The following PRIMA1 variants were observed in gnomAD, a reference collection of about 807,000 sequenced individuals.
PRIMA1 encodes the protein proline rich membrane anchor 1, also known as proline-rich membrane anchor 1.
Under a neutral mutation model 17.5 loss-of-function variants are expected in PRIMA1, and 7 were observed. The observed-to-expected ratio is 0.40, with a 90% CI of 0.23 to 0.75. The LOEUF (loss-of-function observed/expected upper bound fraction) is 0.75. Ranked by LOEUF, PRIMA1 falls within the 30% of genes least tolerant of loss-of-function variation. The probability of loss-of-function intolerance (pLI) is 0.37; values close to 1 mark genes in which losing one functional copy is unlikely to be tolerated. For synonymous variants in PRIMA1, 97 were observed against 77.9 expected, an observed-to-expected ratio of 1.25 and a Z score of -1.29; for missense variants, 200 against 201.8, an observed-to-expected ratio of 0.99 and a Z score of 0.05.
At chr14:93,747,767 G>A (rs550232234) in intron 3 of PRIMA1, among the ~76,000 whole-genome samples, 97 of 147,976 alleles carry the variant, frequency 6.6e-4, no homozygotes, top group Admixed American at 1.3e-3. Context: ...CAAGTGTGTG[G>A]GAGAGTGTGT....
intron 3 of PRIMA1, among the ~76,000 whole-genome samples, chr14:93,774,187 T>C (rs1249076949): frequency 6.6e-6 from 1 of 152,210 alleles, no homozygotes; most frequent in Non-Finnish European, 1.5e-5. Context: ...ACTCTTGCCT[T>C]TGCCAGAAGA....
upstream of PRIMA1, among the ~76,000 whole-genome samples, chr14:93,788,917 C>T (rs1042731183): frequency 6.6e-5 from 10 of 152,230 alleles, no homozygotes; most frequent in East Asian, 1.9e-3. Flanking sequence ...CACTGGGGTG[C>T]CCGAGCTCTC....
intron 3 of PRIMA1, among the ~76,000 whole-genome samples, chr14:93,762,877 C>T (rs1035926206): frequency 6.6e-6 from 1 of 152,162 alleles, no homozygotes; most frequent in Admixed American, 6.5e-5. Context: ...GCTGCTCCTC[C>T]ACCCCAGGCC....
At chr14:93,734,751 G>A (rs1037034633) in intron 4 of PRIMA1, among the ~76,000 whole-genome samples, 2 of 115,988 alleles carry the variant, frequency 1.7e-5, no homozygotes, top group African/African-American at 5.9e-5. Flanking sequence ...GTGGAGCCCC[G>A]CCCCTGCCCC....
chr14:93,743,934 C>T (rs1187847850), intron 3 of PRIMA1, among the ~76,000 whole-genome samples: 2 of 152,244 alleles, frequency 1.3e-5, no homozygotes, highest in Non-Finnish European at 1.5e-5. Context: ...CACTTAGGAA[C>T]GTGTGTCCTC....
At chr14:93,747,369 G>A (rs1302794390) in intron 3 of PRIMA1, among the ~76,000 whole-genome samples, 1 of 152,204 alleles carries the variant, frequency 6.6e-6, no homozygotes, top group African/African-American at 2.4e-5. Flanking sequence ...TGGTTTGGCG[G>A]GAGTGGAGGG....
At chr14:93,776,723 G>C (rs1885231935) in intron 3 of PRIMA1, among the ~76,000 whole-genome samples, 1 of 152,230 alleles carries the variant, frequency 6.6e-6, no homozygotes, top group African/African-American at 2.4e-5. Context: ...TATGGACCCA[G>C]CACTCAAACA....
intron 2 of PRIMA1, among the ~76,000 whole-genome samples, chr14:93,785,903 TAC>T (rs34449933): frequency 0.15 from 22,004 of 150,780 alleles, 1,746 homozygotes; most frequent in Middle Eastern, 0.23. Flanking sequence ...CACCCCTGCA[TAC>T]ACACACACAC....
intron 3 of PRIMA1, among the ~76,000 whole-genome samples, chr14:93,771,858 G>A (rs1885079197): frequency 6.6e-6 from 1 of 152,162 alleles, no homozygotes; most frequent in Non-Finnish European, 1.5e-5. Flanking sequence ...AAGGAAAGGG[G>A]GGTCCCTGAA....
intron 4 of PRIMA1, among the ~76,000 whole-genome samples, chr14:93,722,586 G>A (rs1485963108): frequency 6.9e-6 from 1 of 144,092 alleles, no homozygotes; most frequent in African/African-American, 2.5e-5. Flanking sequence ...AATGCTGGTG[G>A]TGATAGTGAT....
chr14:93,764,621 T>C (rs1347411347), intron 3 of PRIMA1, among the ~76,000 whole-genome samples: 1 of 152,166 alleles, frequency 6.6e-6, no homozygotes, highest in Non-Finnish European at 1.5e-5. Flanking sequence ...AATAAATGTT[T>C]GTGAGTGATT....
At chr14:93,734,176 G>A (rs2076133587) in intron 4 of PRIMA1, among the ~76,000 whole-genome samples, 1 of 152,222 alleles carries the variant, frequency 6.6e-6, no homozygotes, top group Non-Finnish European at 1.5e-5. Context: ...TTGGTCTGCA[G>A]ATGGATGCAC....
Position 93,787,690 on chromosome 14 carries a change from C to G in PRIMA1, c.29G>C (p.Arg10Pro). 6.5e-7 allele frequency: 1 copy of G among 1,544,484 alleles called. No homozygotes were observed. The highest frequency in any genetic ancestry group is 8.7e-7 in the Non-Finnish European group (1 of 1,146,724). Residue 10 changes from arginine (R) to proline (P), a missense_variant, in exon 2 of 5, where the codon CGT becomes CCT. Coordinates refer to ENST00000393140, the MANE Select transcript of PRIMA1 (RefSeq NM_178013.4). ...CAGCAGCGAGGACCAGCAGCAGCCACGGCGCAGCACCAAGTCCCGGAGGAG... is the reference window on the plus strand; with the variant it reads ...CAGCAGCGAGGACCAGCAGCAGCCAGGGCGCAGCACCAAGTCCCGGAGGAG... MLLRDLVLR[R>P]GCCWSSLLLH...
chr14:93,732,828 C>CGGGGCT (rs1008759119), intron 4 of PRIMA1, among the ~76,000 whole-genome samples: 1 of 152,182 alleles, frequency 6.6e-6, no homozygotes, highest in South Asian at 2.1e-4. Context: ...CTGAGCCCGG[C>CGGGGCT]GGGGCTGGGG....
Position 93,740,075 on chromosome 14 carries a change from C to A in PRIMA1, c.230-2705G>T, listed in dbSNP as rs577200679. 7.4e-3 allele frequency among the ~76,000 whole-genome samples: 928 copies of A among 125,954 alleles called. 12 individuals carry two copies. Among genetic ancestry groups the A allele is most frequent in the African/African-American group, 0.025 (900 of 35,978 alleles). The allele number at this position is 125,954 out of a possible 152,430, so 82.6% of individuals were successfully genotyped here. On this transcript the variant is annotated intron_variant, in intron 3 of 4. Transcript: ENST00000393140. ...GCAAGACTCCAGCTAAAAAAAAAAT[C>A]AATAAATAAAATAAAATAAAAAGAA... is the stretch of plus-strand genomic sequence containing the variant.
At position 93,779,457 on chromosome 14, in the gene PRIMA1, CG is replaced by C. The variant is rs1401491997; in HGVS notation, c.94-147del. ...CAAGGCAGGAAGAATCAACAGAAGT[CG>C]GATTGGTTCAAAGGGGACAATGTTG... On this transcript the variant is annotated intron_variant, in intron 2 of 4. Transcript: ENST00000393140. The C allele has an allele frequency of 3.2e-4, 217 of 676,796 alleles. 2 individuals are homozygous for C. The highest frequency in any genetic ancestry group is 3.8e-5 in the Non-Finnish European group (16 of 421,596). 41.9% of individuals were successfully genotyped at this position (676,796 alleles called of 1,614,324 possible). A position where few individuals can be genotyped will look rare whatever the true frequency, so the allele number is the denominator to read the frequency against.
intron 3 of PRIMA1, among the ~76,000 whole-genome samples, chr14:93,746,646 C>G (rs1566968553): frequency 6.6e-6 from 1 of 152,028 alleles, no homozygotes; most frequent in Non-Finnish European, 1.5e-5. Flanking sequence ...AGCACAGTCC[C>G]TCTGTGTTTA....
At chr14:93,771,366 C>A (rs1885063352) in intron 3 of PRIMA1, among the ~76,000 whole-genome samples, 1 of 152,322 alleles carries the variant, frequency 6.6e-6, no homozygotes, top group East Asian at 1.9e-4. Context: ...CAGCTCCCAT[C>A]AGCCTCTCAA....
At chr14:93,771,344 T>G (rs1257402377) in intron 3 of PRIMA1, among the ~76,000 whole-genome samples, 1 of 152,062 alleles carries the variant, frequency 6.6e-6, no homozygotes, top group Non-Finnish European at 1.5e-5. Flanking sequence ...AACTGCAACA[T>G]CAAAAGGGAT....
Sources: gnomAD v4.1 joint callset for allele counts (sites outside exome capture counted in the v4.1 genomes callset) on GRCh38, gnomAD v4.1.1 for gene constraint, MANE v1.5 for transcripts, NCBI Gene and HGNC (gene_info 2026-07-23, HGNC 2026-07-21) for gene names.